MAGI1: variants seen among roughly 807,000 people sequenced by gnomAD.
MAGI1 encodes the protein membrane associated guanylate kinase, WW and PDZ domain containing 1.
A neutral mutation model predicts 139.9 loss-of-function variants in MAGI1; 58 were observed. The observed-to-expected ratio is 0.41, with a 90% CI of 0.34 to 0.52. The LOEUF is 0.52. Ranked by LOEUF, MAGI1 falls within the 20% of genes least tolerant of loss-of-function variation. The probability of loss-of-function intolerance (pLI) is 0.12; values close to 1 mark genes in which losing one functional copy is unlikely to be tolerated. For missense variants in MAGI1, 1,874 were observed against 1,901.6 expected, an observed-to-expected ratio of 0.99 and a Z score of 0.27; for synonymous variants, 812 against 737.9, an observed-to-expected ratio of 1.10 and a Z score of -1.63.
At chr3:65,795,336 T>C (rs890816298) in intron 1 of MAGI1, among the ~76,000 whole-genome samples, 1 of 152,154 alleles carries the variant, frequency 6.6e-6, no homozygotes, top group African/African-American at 2.4e-5. Flanking sequence ...ATCCATACCA[T>C]GTAACACTAC....
At chr3:65,956,822 A>AC (rs532340866) in intron 1 of MAGI1, among the ~76,000 whole-genome samples, 1 of 151,790 alleles carries the variant, frequency 6.6e-6, no homozygotes, top group African/African-American at 2.4e-5. Context: ...ACATGATGAG[A>AC]CCCCATCTCT....
At chr3:65,828,081 A>G (rs2108282471) in intron 1 of MAGI1, among the ~76,000 whole-genome samples, 1 of 152,330 alleles carries the variant, frequency 6.6e-6, no homozygotes, top group Non-Finnish European at 1.5e-5. Flanking sequence ...TTCTGCAGTG[A>G]CAAGAGCCCA....
chr3:65,550,862 T>G (rs2079793113), intron 2 of MAGI1, among the ~76,000 whole-genome samples: 2 of 151,910 alleles, frequency 1.3e-5, no homozygotes, highest in African/African-American at 4.8e-5. Context: ...TCCCAGCTAC[T>G]TGGGAGGCTG....
At chr3:65,959,798 CTT>C (rs33978400) in intron 1 of MAGI1, among the ~76,000 whole-genome samples, 33 of 60,264 alleles carry the variant, frequency 5.5e-4, no homozygotes, top group African/African-American at 1.5e-3. Context: ...TAAATTCTCT[CTT>C]TTTTTTTTTT....
intron 18 of MAGI1, 82 bp downstream of exon 18, chr3:65,375,661 AAG>A (rs1942446224): frequency 6.0e-6 from 7 of 1,167,568 alleles, no homozygotes; most frequent in Middle Eastern, 2.9e-4. Context: ...ACACTAATCA[AAG>A]AGAGAGAAAG....
At chr3:65,666,382 G>A (rs537287312) in intron 1 of MAGI1, among the ~76,000 whole-genome samples, 13 of 152,304 alleles carry the variant, frequency 8.5e-5, no homozygotes, top group African/African-American at 3.1e-4. Context: ...GCCATCCCCA[G>A]ATGTCCAACA....
intron 1 of MAGI1, among the ~76,000 whole-genome samples, chr3:65,884,152 T>C (rs1296607611): frequency 1.3e-5 from 2 of 152,172 alleles, no homozygotes; most frequent in African/African-American, 4.8e-5. Context: ...AAGGTGATGG[T>C]CAACTAATTA....
At chr3:65,589,541 G>A (rs778193484) in intron 2 of MAGI1, among the ~76,000 whole-genome samples, 9 of 151,954 alleles carry the variant, frequency 5.9e-5, no homozygotes, top group Non-Finnish European at 1.0e-4. Flanking sequence ...CACTTTGACC[G>A]TAGCTTCCTT....
chr3:65,859,782 C>T, intron 1 of MAGI1, among the ~76,000 whole-genome samples: 1 of 151,894 alleles, frequency 6.6e-6, no homozygotes. Context: ...ACCAGGTTTT[C>T]TTGAAAACAG....
At position 65,640,195 on chromosome 3, in the gene MAGI1, T is replaced by C. The variant is rs114178381; in HGVS notation, c.314-18107A>G. Among the ~76,000 whole-genome samples the C allele has an allele frequency of 5.2e-3, 793 of 152,100 alleles. 7 individuals are homozygous for C. Among genetic ancestry groups the C allele is most frequent in the Middle Eastern group, 0.02 (6 of 294 alleles). On this transcript the variant is annotated intron_variant, in intron 1 of 22. Coordinates refer to ENST00000402939, the MANE Select transcript of MAGI1 (RefSeq NM_001033057.2). ...CAGTCTCTATAACTGTGTGAGCCAA[T>C]TCCTTAAATGAAATCTCCTTCTCTC...
chr3:65,919,202 C>T (rs1389093949), intron 1 of MAGI1, among the ~76,000 whole-genome samples: 2 of 152,190 alleles, frequency 1.3e-5, no homozygotes, highest in Non-Finnish European at 2.9e-5. Flanking sequence ...AGACAAAATG[C>T]TGACTTCTCA....
At chr3:65,990,675 T>G (rs2066124022) in intron 1 of MAGI1, among the ~76,000 whole-genome samples, 1 of 152,222 alleles carries the variant, frequency 6.6e-6, no homozygotes, top group African/African-American at 2.4e-5. Context: ...AAGAGAATGC[T>G]GACTATAAAA....
intron 2 of MAGI1, chr3:65,620,119 C>G (rs912104737): frequency 1.1e-5 from 3 of 264,604 alleles, no homozygotes; most frequent in Admixed American, 6.5e-5. Flanking sequence ...CATGGTAACA[C>G]CACAGATGCA....
intron 1 of MAGI1, among the ~76,000 whole-genome samples, chr3:65,860,468 T>C (rs2059518275): frequency 6.6e-6 from 1 of 152,188 alleles, no homozygotes; most frequent in Non-Finnish European, 1.5e-5. Context: ...GCAGAGTTGA[T>C]CAGGGGCATG....
chr3:65,990,488 G>A (rs945910824), intron 1 of MAGI1, among the ~76,000 whole-genome samples: 9 of 152,216 alleles, frequency 5.9e-5, no homozygotes, highest in Non-Finnish European at 1.3e-4. Context: ...GAGCATAGCT[G>A]TCAGGCCATT....
intron 1 of MAGI1, among the ~76,000 whole-genome samples, chr3:65,978,411 G>C (rs1302356915): frequency 1.3e-5 from 2 of 152,112 alleles, no homozygotes; most frequent in African/African-American, 4.8e-5. Flanking sequence ...GCTCACTGCT[G>C]AATCTCCAGG....
chr3:65,384,202 C>T (rs1402477230), intron 14 of MAGI1, among the ~76,000 whole-genome samples: 2 of 152,132 alleles, frequency 1.3e-5, no homozygotes, highest in African/African-American at 4.8e-5. Context: ...ATCATTTTTG[C>T]CAAAAATTAC....
chr3:65,408,017 T>C (rs529416139), intron 12 of MAGI1, among the ~76,000 whole-genome samples: 1 of 152,310 alleles, frequency 6.6e-6, no homozygotes, highest in East Asian at 1.9e-4. Context: ...ACAAAGCTGT[T>C]ATAGCCCCTC....
At chr3:65,945,706 C>T (rs779807864) in intron 1 of MAGI1, among the ~76,000 whole-genome samples, 1 of 152,228 alleles carries the variant, frequency 6.6e-6, no homozygotes, top group Non-Finnish European at 1.5e-5. Flanking sequence ...TTCTGTATGT[C>T]ATTTCTCTTT....
Sources: gnomAD v4.1 joint callset for allele counts (sites outside exome capture counted in the v4.1 genomes callset) on GRCh38, gnomAD v4.1.1 for gene constraint, MANE v1.5 for transcripts, NCBI Gene and HGNC (gene_info 2026-07-23, HGNC 2026-07-21) for gene names.